Variants in VWDE observed in about 807,000 individuals in gnomAD.
VWDE encodes von Willebrand factor D and EGF domain-containing protein.
A neutral mutation model predicts 178.4 loss-of-function variants in VWDE; 207 were observed. The observed-to-expected ratio is 1.16, with a 90% confidence interval of 1.04 to 1.30. The LOEUF is 1.30. Among genes scored for constraint, VWDE ranks in the 50% most tolerant of loss-of-function variants. The pLI, the probability that VWDE is intolerant of heterozygous loss-of-function variation, is 0.00. For synonymous variants in VWDE, 738 were observed against 651.4 expected (o/e 1.13, Z -2.02); for missense variants, 2,287 against 1,901.3 (o/e 1.20, Z -3.77).
chr7:12,360,475 T>C (rs1198162783), intron 15 of VWDE, among the ~76,000 whole-genome samples: 1 of 152,198 alleles, frequency 6.6e-6, no homozygotes, highest in African/African-American at 2.4e-5. Flanking sequence ...ATCTGATGAC[T>C]AATCTCAAGA....
Position 12,369,631 on chromosome 7 carries a change from T to A in VWDE, c.2675A>T (p.Asn892Ile). 2 of 1,551,552 alleles carry A rather than the reference T, an allele frequency of 1.3e-6. No homozygotes were observed. Among genetic ancestry groups the A allele is most frequent in the East Asian group, 4.9e-5 (2 of 40,898 alleles). ...EDILSVLKCPNLCSGNGQCME... is the reference protein window; with the variant it reads ...EDILSVLKCPILCSGNGQCME... ...GCACTGCCCATTGCCGCTGCATAAA[T>A]TGGGGCATTTTAATACTGAGAGAAT... The change falls in exon 12 of 29, where the codon AAT (asparagine) becomes ATT (isoleucine). Residue 892 changes from asparagine (N) to isoleucine (I), a missense_variant. By Grantham distance (149) the Asn-to-Ile change is moderately radical (BLOSUM62 -3). Coordinates refer to ENST00000275358, the MANE Select transcript of VWDE (RefSeq NM_001135924.3).
intron 1 of VWDE, among the ~76,000 whole-genome samples, chr7:12,400,537 T>C (rs995625740): frequency 6.6e-6 from 1 of 151,730 alleles, no homozygotes; most frequent in Non-Finnish European, 1.5e-5. Flanking sequence ...TTATAACAAG[T>C]AAAAATATCA....
chr7:12,368,515 G>C (rs1013489595), intron 12 of VWDE, among the ~76,000 whole-genome samples: 1 of 152,106 alleles, frequency 6.6e-6, no homozygotes, highest in Non-Finnish European at 1.5e-5. Context: ...TGGCTCCTTT[G>C]AGGAACAGCA....
chr7:12,384,079 A>C (rs1360561920), intron 3 of VWDE, among the ~76,000 whole-genome samples: 4 of 152,138 alleles, frequency 2.6e-5, no homozygotes, highest in Non-Finnish European at 4.4e-5. Context: ...TTTATTCATA[A>C]TTGCCCAAAC....
intron 13 of VWDE, among the ~76,000 whole-genome samples, chr7:12,366,772 C>G (rs1465286791): frequency 6.6e-6 from 1 of 151,934 alleles, no homozygotes; most frequent in Non-Finnish European, 1.5e-5. Flanking sequence ...TAGAGTCATC[C>G]TTAAAATAAA....
At chr7:12,351,152 GA>G (rs2128549963) in intron 19 of VWDE, among the ~76,000 whole-genome samples, 1 of 152,238 alleles carries the variant, frequency 6.6e-6, no homozygotes, top group Admixed American at 6.5e-5. Context: ...AGAACTTTAT[GA>G]AGACAATCAC....
chr7:12,392,469 A>G (rs1784429798), intron 2 of VWDE, among the ~76,000 whole-genome samples: 1 of 152,118 alleles, frequency 6.6e-6, no homozygotes, highest in African/African-American at 2.4e-5. Flanking sequence ...GATAAGTAGA[A>G]ATAATGTCTA....
intron 16 of VWDE, among the ~76,000 whole-genome samples, 167 bp downstream of exon 16, chr7:12,359,411 A>G (rs1310185809): frequency 6.6e-6 from 1 of 152,220 alleles, no homozygotes; most frequent in East Asian, 1.9e-4. Flanking sequence ...CTAATCAAAT[A>G]TTAAAATAAA....
At chr7:12,364,820 A>T (rs551397682) in intron 13 of VWDE, among the ~76,000 whole-genome samples, 1 of 152,258 alleles carries the variant, frequency 6.6e-6, no homozygotes, top group South Asian at 2.1e-4. Context: ...GTCTCCCTAC[A>T]ACGTATTTAT....
At chr7:12,342,728 A>T (rs1230658590) in intron 22 of VWDE, among the ~76,000 whole-genome samples, 2 of 151,696 alleles carry the variant, frequency 1.3e-5, no homozygotes, top group Non-Finnish European at 2.9e-5. Context: ...CATGTGCACA[A>T]TGTGCAGGTT....
At chr7:12,395,926 T>G (rs1056589552) in intron 1 of VWDE, among the ~76,000 whole-genome samples, 1 of 152,128 alleles carries the variant, frequency 6.6e-6, no homozygotes, top group African/African-American at 2.4e-5. Context: ...ATCAGTCAAG[T>G]TCATAGCATG....
intron 12 of VWDE, 34 bp from the exon 13 acceptor site, chr7:12,367,527 T>G (rs1345946795): frequency 2.4e-5 from 34 of 1,423,444 alleles, no homozygotes; most frequent in Non-Finnish European, 3.0e-5. Flanking sequence ...TACTACATAT[T>G]TTACTTAATT....
At position 12,372,047 on chromosome 7, in the gene VWDE, C is replaced by T. The variant is rs570086564; in HGVS notation, c.1587+930G>A. Reference sequence around the variant, plus strand: ...ACTGTTACTAAATGTACTATCTCTACGCTTCCTGATATTGTATGAAAGATG... The same window carrying T: ...ACTGTTACTAAATGTACTATCTCTATGCTTCCTGATATTGTATGAAAGATG... On this transcript the variant is annotated intron_variant, in intron 10 of 28. Coordinates refer to ENST00000275358, the MANE Select transcript of VWDE (RefSeq NM_001135924.3). 1.7e-4 allele frequency among the ~76,000 whole-genome samples: 26 copies of T among 152,110 alleles called. No homozygotes were observed. The East Asian group carries it at 3.1e-3, about 18-fold the overall frequency.
At chr7:12,371,015 T>C (rs1783170130) in intron 10 of VWDE, among the ~76,000 whole-genome samples, 151 bp from the exon 11 acceptor site, 1 of 152,208 alleles carries the variant, frequency 6.6e-6, no homozygotes, top group African/African-American at 2.4e-5. Context: ...ACAACTTTCC[T>C]CTTAACATTC....
Position 12,357,477 on chromosome 7 carries a change from A to C in VWDE, c.3313T>G (p.Leu1105Val), listed in dbSNP as rs375657783. Residue 1105 changes from leucine to valine, a missense_variant, in exon 17 of 29, where the codon TTA becomes GTA. By Grantham distance (32) the Leu-to-Val change is conservative (BLOSUM62 1). Transcript: ENST00000275358. Reference sequence around the variant, plus strand: ...AAGTTTTCACCATAAAATGTCTGTAATTTGTCTTGCAATGCTTGAATCACT... The same window carrying C: ...AAGTTTTCACCATAAAATGTCTGTACTTTGTCTTGCAATGCTTGAATCACT... ...PPVIQALQDK[L>V]QTFYGENFEY... The C allele has an allele frequency of 5.6e-5, 87 of 1,552,136 alleles. No homozygotes were observed. In the African/African-American group the frequency reaches 9.7e-4, roughly 17 times the overall value.
chr7:12,392,767 T>A (rs999308103), intron 2 of VWDE, among the ~76,000 whole-genome samples: 31 of 150,416 alleles, frequency 2.1e-4, no homozygotes, highest in African/African-American at 7.6e-4. Context: ...CACAATCATA[T>A]CGTGTTGTAA....
rs2128542525 is a variant in VWDE at position 12,331,184 on chromosome 7, C to G, written c.4772G>C (p.Ter1591SerextTer6). ...CEKKIQIRRH* is the reference protein window; with the variant it reads ...CEKKIQIRRHS ...TGTAATTCATATACTTGATGCTACT[C>G]AATGGCGTCTTATCTGTAGTAGGAA... Residue 1591 changes from the stop codon to serine, a stop_lost, in exon 29 of 29, where the codon TGA becomes TCA. Transcript: ENST00000275358. 1 of 1,541,856 alleles carries G rather than the reference C, an allele frequency of 6.5e-7. No individual in the cohort carries two copies. Among genetic ancestry groups the G allele is most frequent in the Admixed American group, 2.0e-5 (1 of 50,612 alleles).
At position 12,369,563 on chromosome 7, in the gene VWDE, C is replaced by G; in HGVS notation, c.2743G>C (p.Asp915His). ...TACTTACCATAGGAATCACTGCAGT[C>G]ATAGGAACTAAAGCTTGGGGAACAC... ...CACSPSFSSY[D>H]CSDSYDKAPE... The change falls in exon 12 of 29, where the codon GAC becomes CAC. Residue 915 changes from aspartate (D) to histidine (H), a missense_variant. Physicochemically the swap from Asp to His is moderately conservative, Grantham distance 81. Coordinates refer to ENST00000275358, the MANE Select transcript of VWDE (RefSeq NM_001135924.3). The G allele has an allele frequency of 6.5e-7, 1 of 1,537,380 alleles. No homozygotes were observed. Among genetic ancestry groups the G allele is most frequent in the South Asian group, 1.2e-5 (1 of 82,944 alleles).
At chr7:12,388,722 T>A in intron 3 of VWDE, 1 of 302,028 alleles carries the variant, frequency 3.3e-6, no homozygotes, top group Non-Finnish European at 6.6e-6. Context: ...AAATAATTTC[T>A]GGCACAGGAT....
Sources: gnomAD v4.1 joint callset for allele counts (sites outside exome capture counted in the v4.1 genomes callset) on GRCh38, gnomAD v4.1.1 for gene constraint, MANE v1.5 for transcripts, NCBI Gene and HGNC (gene_info 2026-07-23, HGNC 2026-07-21) for gene names.